Variants in KLHL1 observed in about 807,000 individuals in gnomAD.
The protein encoded by KLHL1 is kelch like family member 1.
A neutral mutation model predicts 77.7 loss-of-function variants in KLHL1; 47 were observed. The observed-to-expected ratio is 0.60, with a 90% CI of 0.48 to 0.77. The LOEUF is 0.77. Ranked by LOEUF, KLHL1 falls within the 30% of genes least tolerant of loss-of-function variation. KLHL1 has a pLI of 0.00. For missense variants in KLHL1, 925 were observed against 910.8 expected, an observed-to-expected ratio of 1.02 and a Z score of -0.20; for synonymous variants, 360 against 325.2, an observed-to-expected ratio of 1.11 and a Z score of -1.15.
chr13:69,861,070 GT>G (rs1880137396), intron 5 of KLHL1, among the ~76,000 whole-genome samples: 1 of 152,010 alleles, frequency 6.6e-6, no homozygotes, highest in Non-Finnish European at 1.5e-5. Context: ...AATAAAGTAT[GT>G]TTTTAATAGC....
chr13:70,044,331 T>G (rs778732080), intron 1 of KLHL1, among the ~76,000 whole-genome samples: 3 of 152,216 alleles, frequency 2.0e-5, no homozygotes, highest in Admixed American at 6.5e-5. Flanking sequence ...AAATGAAATC[T>G]CACAGATAGG....
chr13:69,777,032 C>G (rs1283910658), intron 7 of KLHL1, among the ~76,000 whole-genome samples: 2 of 151,644 alleles, frequency 1.3e-5, no homozygotes, highest in Non-Finnish European at 2.9e-5. Context: ...GTGGGAGGGA[C>G]AGGGTGGGTG....
At chr13:69,826,666 T>G (rs6562596) in intron 6 of KLHL1, among the ~76,000 whole-genome samples, 14,583 of 152,184 alleles carry the variant, frequency 0.096, 1,416 homozygotes, top group African/African-American at 0.25. Context: ...ATATGTTAAT[T>G]ATCTTGATTG....
At chr13:69,748,720 A>G (rs1292840182) in intron 7 of KLHL1, among the ~76,000 whole-genome samples, 3 of 152,000 alleles carry the variant, frequency 2.0e-5, no homozygotes, top group Non-Finnish European at 4.4e-5. Flanking sequence ...TGCAGATAAC[A>G]GTGCTCGGCA....
In KLHL1 at chr13:69,855,325, TAGATAGATAGATAGATAGATAGAC is replaced by T. The variant is rs1414918287; in HGVS notation, c.1228-16187_1228-16164del. On this transcript the variant is annotated intron_variant, in intron 5 of 10. Transcript: ENST00000377844. ...ATAGATAGATAGATAGATAGATAGA[TAGATAGATAGATAGATAGATAGAC>T]AGACAGATAGATACATAGAGAGATA... Among the ~76,000 whole-genome samples, 224 of 132,466 alleles carry T rather than the reference TAGATAGATAGATAGATAGATAGAC, an allele frequency of 1.7e-3. 5 individuals carry two copies. Among genetic ancestry groups the T allele is most frequent in the African/African-American group, 5.9e-3 (201 of 34,312 alleles). 86.9% of individuals were successfully genotyped at this position (132,466 alleles called of 152,430 possible).
At chr13:69,958,273 A>C (rs1883954602) in intron 3 of KLHL1, among the ~76,000 whole-genome samples, 1 of 151,200 alleles carries the variant, frequency 6.6e-6, no homozygotes. Context: ...GTAAGTCTAC[A>C]TGTTTGCTTT....
chr13:69,752,332 T>C (rs1874523888), intron 7 of KLHL1, among the ~76,000 whole-genome samples: 1 of 152,130 alleles, frequency 6.6e-6, no homozygotes, highest in African/African-American at 2.4e-5. Context: ...CTATCTATGT[T>C]TGATTTATCT....
intron 1 of KLHL1, among the ~76,000 whole-genome samples, chr13:70,001,010 G>A (rs950198824): frequency 8.0e-5 from 12 of 150,938 alleles, no homozygotes; most frequent in African/African-American, 2.9e-4. Context: ...AGAAAATATG[G>A]ATAAGATAGA....
intron 1 of KLHL1, among the ~76,000 whole-genome samples, chr13:70,020,299 G>C (rs546970237): frequency 6.6e-6 from 1 of 152,184 alleles, no homozygotes; most frequent in South Asian, 2.1e-4. Context: ...TTCCAGAATG[G>C]TTCACTAGCA....
chr13:69,736,372 T>C (rs1873761820), intron 8 of KLHL1, among the ~76,000 whole-genome samples: 1 of 151,936 alleles, frequency 6.6e-6, no homozygotes, highest in Non-Finnish European at 1.5e-5. Flanking sequence ...ATGGTCATAA[T>C]CCAAAGATTT....
intron 1 of KLHL1, among the ~76,000 whole-genome samples, chr13:69,989,712 A>AT (rs1450571392): frequency 1.3e-5 from 2 of 151,418 alleles, no homozygotes; most frequent in Admixed American, 6.6e-5. Context: ...ATTTTATTTT[A>AT]TTTTTTGGCA....
chr13:69,803,993 GA>G (rs1312028377), intron 6 of KLHL1, among the ~76,000 whole-genome samples: 1 of 152,152 alleles, frequency 6.6e-6, no homozygotes, highest in Non-Finnish European at 1.5e-5. Flanking sequence ...TGAACCTACA[GA>G]ACTCTGAGGT....
intron 1 of KLHL1, among the ~76,000 whole-genome samples, chr13:70,079,533 C>T (rs986097757): frequency 2.0e-5 from 3 of 152,046 alleles, no homozygotes; most frequent in Non-Finnish European, 4.4e-5. Flanking sequence ...AGCGGTAATG[C>T]CTTTTCTTTT....
chr13:69,756,861 G>A lies in KLHL1; in HGVS notation c.1640-16305C>T, dbSNP rs1033277226. Among the ~76,000 whole-genome samples the A allele has an allele frequency of 2.0e-5, 3 of 152,078 alleles. No homozygotes were observed. The East Asian group carries it at 5.8e-4, about 29-fold the overall frequency. On this transcript the variant is annotated intron_variant, in intron 7 of 10. Transcript: ENST00000377844. ...AACAGTTAGTTAATAAACCCCCTTT[G>A]TCCTGCACTGGCTAGGAATCTTTAG...
At position 69,728,656 on chromosome 13, in the gene KLHL1, A is replaced by C. The variant is rs540648281; in HGVS notation, c.1803-9075T>G. 1.8e-4 allele frequency among the ~76,000 whole-genome samples: 28 copies of C among 151,958 alleles called. No individual in the cohort carries two copies. In the East Asian group the frequency reaches 5.3e-3, roughly 29 times the overall value. The stretch of plus-strand genomic sequence containing the variant: ...CGTCTCTACTAAAAATGCCAAAAAA[A>C]AAAAAGCAAAGTGTGGTGACGTATG... On this transcript the variant is annotated intron_variant, in intron 8 of 10. Transcript: ENST00000377844.
At chr13:69,940,327 T>C in intron 3 of KLHL1, 91 bp from the exon 4 acceptor site, 1 of 865,326 alleles carries the variant, frequency 1.2e-6, no homozygotes. Context: ...GCCAATCTGC[T>C]AGAACAGATC....
At chr13:70,107,161 A>C (rs1888081209) in intron 1 of KLHL1, 42 bp downstream of exon 1, 7 of 1,541,092 alleles carry the variant, frequency 4.5e-6, no homozygotes, top group Non-Finnish European at 6.1e-6. Flanking sequence ...AAATGAGTGG[A>C]AATTGAGAGA....
intron 5 of KLHL1, among the ~76,000 whole-genome samples, chr13:69,852,049 C>T (rs914624221): frequency 1.3e-5 from 2 of 151,794 alleles, no homozygotes; most frequent in African/African-American, 2.4e-5. Flanking sequence ...ATTATTGTAA[C>T]ATGCATCTAT....
chr13:69,970,159 T>C (rs1231730303), intron 2 of KLHL1, among the ~76,000 whole-genome samples: 1 of 152,174 alleles, frequency 6.6e-6, no homozygotes, highest in East Asian at 1.9e-4. Flanking sequence ...AGAATCATTC[T>C]TGAGCATTGC....
Sources: gnomAD v4.1 joint callset for allele counts (sites outside exome capture counted in the v4.1 genomes callset) on GRCh38, gnomAD v4.1.1 for gene constraint, MANE v1.5 for transcripts, NCBI Gene and HGNC (gene_info 2026-07-23, HGNC 2026-07-21) for gene names.